The following MACROD2 variants were observed in gnomAD, a reference collection of about 807,000 sequenced individuals.
MACROD2 encodes mono-ADP ribosylhydrolase 2, also known as ADP-ribose glycohydrolase MACROD2.
Under a neutral mutation model 70.4 loss-of-function variants are expected in MACROD2, and 36 were observed. That is an observed-to-expected ratio of 0.51 (90% CI 0.39 to 0.68). The LOEUF is 0.68. MACROD2 is among the 30% of genes least tolerant of loss of function. The pLI, the probability that MACROD2 is intolerant of heterozygous loss-of-function variation, is 0.00. For missense variants in MACROD2, 496 were observed against 538.4 expected, an observed-to-expected ratio of 0.92 and a Z score of 0.78; for synonymous variants, 172 against 178.8, an observed-to-expected ratio of 0.96 and a Z score of 0.30.
intron 4 of MACROD2, among the ~76,000 whole-genome samples, chr20:14,496,944 A>G (rs779103144): frequency 6.6e-6 from 1 of 151,758 alleles, no homozygotes; most frequent in East Asian, 1.9e-4. Context: ...AATGGTTGAG[A>G]GAAACTTCTT....
intron 8 of MACROD2, among the ~76,000 whole-genome samples, chr20:15,579,140 C>T (rs545735299): frequency 1.2e-4 from 19 of 152,130 alleles, no homozygotes; most frequent in South Asian, 6.2e-4. Flanking sequence ...GGTTTTCTCT[C>T]GGGAGAAAAT....
In MACROD2 at chr20:15,311,150, T is replaced by C. The variant is rs570203570; in HGVS notation, c.540+81089T>C. Reference sequence around the variant, plus strand: ...ATCTATATTTTAAATTGTTTTCTTATGCATATTTTAGGATCCATGATAAAA... The same window carrying C: ...ATCTATATTTTAAATTGTTTTCTTACGCATATTTTAGGATCCATGATAAAA... On this transcript the variant is annotated intron_variant, in intron 6 of 17. Transcript: ENST00000684519. Among the ~76,000 whole-genome samples, 7 of 152,286 alleles carry C rather than the reference T, an allele frequency of 4.6e-5. No homozygotes were observed. In the South Asian group the frequency reaches 1.5e-3, roughly 32 times the overall value.
intron 3 of MACROD2, among the ~76,000 whole-genome samples, chr20:14,417,355 G>C (rs1356559091): frequency 1.3e-5 from 2 of 152,162 alleles, no homozygotes; most frequent in Admixed American, 1.3e-4. Context: ...AAGATGAAAT[G>C]TTCTTAAAAG....
At chr20:15,294,135 A>T (rs1052042156) in intron 6 of MACROD2, among the ~76,000 whole-genome samples, 2 of 151,742 alleles carry the variant, frequency 1.3e-5, no homozygotes, top group African/African-American at 4.8e-5. Context: ...AAAAAAAAAA[A>T]AAAAAATTCA....
At chr20:14,663,154 A>G (rs1986312155) in intron 4 of MACROD2, among the ~76,000 whole-genome samples, 1 of 152,026 alleles carries the variant, frequency 6.6e-6, no homozygotes, top group Non-Finnish European at 1.5e-5. Flanking sequence ...ATGCAGCCAT[A>G]AAAAGAATGG....
chr20:15,359,319 G>T (rs1381538502), intron 6 of MACROD2, among the ~76,000 whole-genome samples: 1 of 151,942 alleles, frequency 6.6e-6, no homozygotes, highest in Non-Finnish European at 1.5e-5. Context: ...TGCTTACTCA[G>T]AATGGTAGAT....
intron 5 of MACROD2, among the ~76,000 whole-genome samples, chr20:15,064,990 G>A (rs1017035549): frequency 6.6e-6 from 1 of 151,970 alleles, no homozygotes; most frequent in Admixed American, 6.6e-5. Context: ...GAATAGCCAC[G>A]TACATTATCT....
chr20:14,527,231 A>G (rs1792696486), intron 4 of MACROD2, among the ~76,000 whole-genome samples: 3 of 152,046 alleles, frequency 2.0e-5, no homozygotes, highest in African/African-American at 4.8e-5. Context: ...GCTCCTCTCC[A>G]TATCCAGTTG....
chr20:14,007,718 A>G (rs1449798950), intron 2 of MACROD2, among the ~76,000 whole-genome samples: 1 of 152,150 alleles, frequency 6.6e-6, no homozygotes, highest in East Asian at 1.9e-4. Context: ...CTCCACTAGA[A>G]TACCACCTAG....
chr20:14,148,277 A>G (rs2054968059), intron 3 of MACROD2, among the ~76,000 whole-genome samples: 1 of 152,188 alleles, frequency 6.6e-6, no homozygotes. Context: ...GATATTCAGG[A>G]CGTATGTTTG....
intron 3 of MACROD2, among the ~76,000 whole-genome samples, chr20:14,229,221 A>C (rs1193788418): frequency 1.3e-5 from 2 of 152,212 alleles, no homozygotes; most frequent in Admixed American, 6.5e-5. Flanking sequence ...GAAATTGGCA[A>C]GTGAGACTTC....
At chr20:15,261,273 T>G (rs1252867779) in intron 6 of MACROD2, among the ~76,000 whole-genome samples, 3 of 152,004 alleles carry the variant, frequency 2.0e-5, no homozygotes. Context: ...ATGCCCAATA[T>G]TCTATTGTCC....
chr20:15,790,571 T>C (rs1408595138), intron 8 of MACROD2, among the ~76,000 whole-genome samples: 2 of 151,978 alleles, frequency 1.3e-5, no homozygotes, highest in East Asian at 1.9e-4. Context: ...ATGTGATTTA[T>C]GTCTCTGATT....
At chr20:15,477,583 G>T (rs1008829625) in intron 7 of MACROD2, among the ~76,000 whole-genome samples, 3 of 152,114 alleles carry the variant, frequency 2.0e-5, no homozygotes, top group African/African-American at 7.2e-5. Context: ...AGGGAGAGAG[G>T]AGGGGAGTAA....
At position 15,248,791 on chromosome 20, in the gene MACROD2, C is replaced by T. The variant is rs998653512; in HGVS notation, c.540+18730C>T. Among the ~76,000 whole-genome samples, 22 of 152,176 alleles carry T rather than the reference C, an allele frequency of 1.4e-4. 1 individual carries two copies. The highest frequency in any genetic ancestry group is 3.2e-4 in the Non-Finnish European group (22 of 68,034). ...TAGGTCTCTCTGCCTCACCCCTCTC[C>T]TTCCAGCCAGTCATCTCTTGCAGTC... On this transcript the variant is annotated intron_variant, in intron 6 of 17. Transcript: ENST00000684519.
chr20:14,620,370 A>T lies in MACROD2; in HGVS notation c.302-64473A>T, dbSNP rs1310386599. On this transcript the variant is annotated intron_variant, in intron 4 of 17. Transcript: ENST00000684519. Reference sequence around the variant, plus strand: ...GATGGATGCGTACTATGAGCAAGAAATAATAGATTTGTGTTCTGTCATTGA... The same window carrying T: ...GATGGATGCGTACTATGAGCAAGAATTAATAGATTTGTGTTCTGTCATTGA... Among the ~76,000 whole-genome samples, 4 of 152,126 alleles carry T rather than the reference A, an allele frequency of 2.6e-5. No homozygotes were observed. The East Asian group carries it at 7.7e-4, about 29-fold the overall frequency.
intron 10 of MACROD2, among the ~76,000 whole-genome samples, chr20:15,908,344 A>G (rs1384019200): frequency 1.3e-5 from 2 of 152,142 alleles, no homozygotes; most frequent in Admixed American, 1.3e-4. Context: ...ACCTCCAGCT[A>G]TTGCTTGGTT....
intron 6 of MACROD2, among the ~76,000 whole-genome samples, chr20:15,365,666 A>G (rs2045399446): frequency 6.6e-6 from 1 of 151,884 alleles, no homozygotes; most frequent in Non-Finnish European, 1.5e-5. Flanking sequence ...GTCTCAAAAA[A>G]AAAAAAAATT....
At chr20:14,252,087 G>T (rs958277260) in intron 3 of MACROD2, among the ~76,000 whole-genome samples, 4 of 152,054 alleles carry the variant, frequency 2.6e-5, no homozygotes, top group African/African-American at 9.7e-5. Flanking sequence ...CCTTGGGGAA[G>T]ATGTTAAATA....
Sources: gnomAD v4.1 joint callset for allele counts (sites outside exome capture counted in the v4.1 genomes callset) on GRCh38, gnomAD v4.1.1 for gene constraint, MANE v1.5 for transcripts, NCBI Gene and HGNC (gene_info 2026-07-23, HGNC 2026-07-21) for gene names.